Variants in CRIM1 observed in about 807,000 individuals in gnomAD.
CRIM1 encodes the protein cysteine-rich motor neuron 1 protein.
A neutral mutation model predicts 116.4 loss-of-function variants in CRIM1; 32 were observed. That is an observed-to-expected ratio of 0.27 (90% CI 0.21 to 0.37). CRIM1 has a LOEUF of 0.37. CRIM1 is among the 10% of genes least tolerant of loss of function. The pLI, the probability that CRIM1 is intolerant of heterozygous loss-of-function variation, is 1.00. For missense variants in CRIM1, 1,331 were observed against 1,354.8 expected (o/e 0.98, Z 0.28); for synonymous variants, 590 against 509.2 (o/e 1.16, Z -2.13).
At chr2:36,457,305 A>G (rs1359732107) in intron 4 of CRIM1, among the ~76,000 whole-genome samples, 4 of 152,154 alleles carry the variant, frequency 2.6e-5, no homozygotes, top group Non-Finnish European at 5.9e-5. Flanking sequence ...CCTTCCCTAC[A>G]TGTGAGCATG....
chr2:36,491,883 G>A (rs1008133024), intron 7 of CRIM1, among the ~76,000 whole-genome samples: 1 of 151,974 alleles, frequency 6.6e-6, no homozygotes, highest in Non-Finnish European at 1.5e-5. Flanking sequence ...ATGAACATTA[G>A]CAATAAAAAG....
At chr2:36,373,598 G>A (rs1482722539) in intron 1 of CRIM1, among the ~76,000 whole-genome samples, 1 of 152,160 alleles carries the variant, frequency 6.6e-6, no homozygotes, top group Non-Finnish European at 1.5e-5. Flanking sequence ...CATTTTGAGA[G>A]GTAGAAATGA....
intron 14 of CRIM1, 95 bp downstream of exon 14, chr2:36,537,641 C>T (rs1468112685): frequency 8.2e-6 from 11 of 1,342,666 alleles, no homozygotes; most frequent in Admixed American, 2.6e-5. Context: ...TTCATTCGTT[C>T]ACACGGCCCA....
chr2:36,541,578 C>T (rs1255803657), intron 14 of CRIM1, among the ~76,000 whole-genome samples: 1 of 152,176 alleles, frequency 6.6e-6, no homozygotes, highest in African/African-American at 2.4e-5. Flanking sequence ...CCAAGCACCT[C>T]GCCCCGTATT....
In CRIM1 at chr2:36,396,486, A is replaced by T; in HGVS notation, c.332-128A>T. 3 of 565,470 alleles carry T rather than the reference A, an allele frequency of 5.3e-6. 1 individual carries two copies. Among genetic ancestry groups the T allele is most frequent in the Non-Finnish European group, 9.2e-6 (3 of 326,442 alleles). 35.0% of individuals were successfully genotyped at this position (565,470 alleles called of 1,614,324 possible). On this transcript the variant is annotated intron_variant, in intron 1 of 16. Coordinates refer to ENST00000280527, the MANE Select transcript of CRIM1 (RefSeq NM_016441.3). Reference sequence around the variant, plus strand: ...CATTCATTTGTAAAGTTTCAGCCAGACTGCCTTTCACAAATTGATTTGTCA... The same window carrying T: ...CATTCATTTGTAAAGTTTCAGCCAGTCTGCCTTTCACAAATTGATTTGTCA...
intron 1 of CRIM1, among the ~76,000 whole-genome samples, chr2:36,366,912 A>C (rs1462736129): frequency 6.6e-6 from 1 of 152,224 alleles, no homozygotes; most frequent in Non-Finnish European, 1.5e-5. Context: ...TTCAGGCCTT[A>C]TGGTGTGAGG....
At chr2:36,404,715 A>G (rs967455712) in intron 2 of CRIM1, among the ~76,000 whole-genome samples, 3 of 152,134 alleles carry the variant, frequency 2.0e-5, no homozygotes, top group African/African-American at 7.2e-5. Flanking sequence ...TTATATTTTG[A>G]TTTTACATTG....
chr2:36,424,370 G>A (rs1411877261), intron 2 of CRIM1, among the ~76,000 whole-genome samples: 1 of 152,196 alleles, frequency 6.6e-6, no homozygotes. Flanking sequence ...TGTCTCTCCA[G>A]ATCTCTAGCA....
intron 1 of CRIM1, among the ~76,000 whole-genome samples, chr2:36,371,519 C>T (rs991704701): frequency 3.3e-5 from 5 of 152,176 alleles, no homozygotes; most frequent in Non-Finnish European, 5.9e-5. Context: ...GAAACTGAAA[C>T]GAATGGCACT....
chr2:36,489,035 T>C (rs1262678136), intron 7 of CRIM1, among the ~76,000 whole-genome samples: 1 of 152,216 alleles, frequency 6.6e-6, no homozygotes, highest in Non-Finnish European at 1.5e-5. Flanking sequence ...AGCTAAAATT[T>C]ACCTGGATCC....
At chr2:36,441,650 T>C (rs1031705501) in intron 3 of CRIM1, 150 bp downstream of exon 3, 9 of 973,390 alleles carry the variant, frequency 9.2e-6, no homozygotes, top group Middle Eastern at 3.3e-4. Context: ...AATGGCAGCT[T>C]GACTTCTGGC....
rs182372860 is a variant in CRIM1, at chr2:36,417,729, C to T, written c.505+20942C>T. Among the ~76,000 whole-genome samples the T allele has an allele frequency of 7.2e-5, 11 of 152,210 alleles. No individual in the cohort carries two copies. In the South Asian group the frequency reaches 1.9e-3, roughly 26 times the overall value. On this transcript the variant is annotated intron_variant, in intron 2 of 16. Coordinates refer to ENST00000280527, the MANE Select transcript of CRIM1 (RefSeq NM_016441.3). ...TTTGAGTGATAAATAAGGTACGGCC[C>T]GAACTCAAGAGGCTTCCAGTTTTCT...
intron 4 of CRIM1, among the ~76,000 whole-genome samples, chr2:36,445,926 A>G (rs938614681): frequency 2.0e-5 from 3 of 152,226 alleles, no homozygotes; most frequent in Non-Finnish European, 2.9e-5. Flanking sequence ...TATAGAACAT[A>G]TAAGATCCTA....
chr2:36,529,054 T>A (rs1665943424), intron 13 of CRIM1: 2 of 469,284 alleles, frequency 4.3e-6, no homozygotes, highest in Admixed American at 4.7e-5. Flanking sequence ...CAGCCCCACG[T>A]TCTTAATTTA....
chr2:36,537,818 T>G (rs1049109456), intron 14 of CRIM1, among the ~76,000 whole-genome samples: 1 of 152,200 alleles, frequency 6.6e-6, no homozygotes, highest in Non-Finnish European at 1.5e-5. Flanking sequence ...AACCTGTTAA[T>G]GACACCTGCC....
intron 16 of CRIM1, among the ~76,000 whole-genome samples, 189 bp from the exon 17 acceptor site, chr2:36,548,334 TAC>T (rs1313316570): frequency 6.7e-6 from 1 of 148,532 alleles, no homozygotes. Context: ...CACCTTAAAA[TAC>T]AGTTTGTCAG....
chr2:36,460,976 T>TC, intron 4 of CRIM1, among the ~76,000 whole-genome samples: 1 of 152,264 alleles, frequency 6.6e-6, no homozygotes, highest in East Asian at 1.9e-4. Flanking sequence ...AGTGCGGACT[T>TC]ATTTGGAGAA....
chr2:36,493,285 C>G (rs1371413101), intron 7 of CRIM1, among the ~76,000 whole-genome samples: 1 of 151,928 alleles, frequency 6.6e-6, no homozygotes, highest in African/African-American at 2.4e-5. Context: ...AAAAAAAAAG[C>G]ATTGTTTTCT....
At chr2:36,403,779 C>T (rs1352610604) in intron 2 of CRIM1, among the ~76,000 whole-genome samples, 1 of 151,998 alleles carries the variant, frequency 6.6e-6, no homozygotes, top group Non-Finnish European at 1.5e-5. Flanking sequence ...ATGTGAAATA[C>T]AAGGAGAGCA....
Sources: allele counts gnomAD v4.1 joint callset (sites outside exome capture counted in the v4.1 genomes callset), GRCh38; gene constraint gnomAD v4.1.1; transcripts MANE v1.5; gene names NCBI Gene and HGNC (gene_info 2026-07-23, HGNC 2026-07-21).